MYO18B: variants seen among roughly 807,000 people sequenced by gnomAD.
MYO18B encodes unconventional myosin-XVIIIb.
In MYO18B, 204 loss-of-function variants were observed where a neutral mutation model predicts 273.0. The ratio of observed to expected loss-of-function variants is 0.75; its 90% confidence interval spans 0.67 to 0.84. The LOEUF (loss-of-function observed/expected upper bound fraction) is 0.84. MYO18B is among the 40% of genes least tolerant of loss of function. The probability of loss-of-function intolerance (pLI) is 0.00; values close to 1 mark genes in which losing one functional copy is unlikely to be tolerated. For synonymous variants in MYO18B, 1,330 were observed against 1,305.7 expected, an observed-to-expected ratio of 1.02 and a Z score of -0.40; for missense variants, 3,212 against 3,287.6, an observed-to-expected ratio of 0.98 and a Z score of 0.56.
chr22:26,018,310 C>T lies in MYO18B; in HGVS notation c.6471-8135C>T, dbSNP rs182540798. Reference sequence around the variant, plus strand: ...ACTGTGTCTGTTTCCTGACTCTATTCCCCATGTCAGGAGTGGCCAGGCATG... The same window carrying T: ...ACTGTGTCTGTTTCCTGACTCTATTTCCCATGTCAGGAGTGGCCAGGCATG... On this transcript the variant is annotated intron_variant, in intron 42 of 43. Transcript: ENST00000335473. 2.4e-3 allele frequency among the ~76,000 whole-genome samples: 361 copies of T among 152,206 alleles called. 2 individuals are homozygous for T. The highest frequency in any genetic ancestry group is 0.01 in the Middle Eastern group (3 of 294).
At chr22:26,058,636 A>G in the MYO18B span, among the ~76,000 whole-genome samples, 1 of 152,128 alleles carries the variant, frequency 6.6e-6, no homozygotes, top group East Asian at 1.9e-4. Flanking sequence ...CCTCATGGTA[A>G]TGACTGAGTT....
chr22:26,051,311 C>A, the MYO18B span, among the ~76,000 whole-genome samples: 1 of 150,410 alleles, frequency 6.6e-6, no homozygotes, highest in Admixed American at 6.7e-5. Context: ...GCAAGCTCCA[C>A]CTCCCGGGTT....
At chr22:25,881,753 A>G (rs695540) in intron 25 of MYO18B, among the ~76,000 whole-genome samples, 125,349 of 152,220 alleles carry the variant, frequency 0.82, 52,016 homozygotes, top group East Asian at 1. Flanking sequence ...AGAATATTCT[A>G]CTCAGCCTCT....
intron 39 of MYO18B, among the ~76,000 whole-genome samples, chr22:25,960,780 C>T (rs2092909584): frequency 6.6e-6 from 1 of 152,194 alleles, no homozygotes; most frequent in African/African-American, 2.4e-5. Context: ...CCCCACTTTC[C>T]CTTCAGTCTT....
In MYO18B at chr22:25,764,711, T is replaced by C. The variant is rs894827898; in HGVS notation, c.198+1322T>C. ...TCCCACTCTTGCCTGACCTAAGGCA[T>C]AAGTGGGGGCCAAAGTTGACCCCGG... On this transcript the variant is annotated intron_variant, in intron 3 of 43. Transcript: ENST00000335473. Among the ~76,000 whole-genome samples the C allele has an allele frequency of 3.9e-5, 6 of 152,308 alleles. No individual in the cohort carries two copies. The South Asian group carries it at 1.2e-3, about 32-fold the overall frequency.
chr22:25,976,786 G>A (rs1307750080), intron 39 of MYO18B, among the ~76,000 whole-genome samples: 2 of 152,086 alleles, frequency 1.3e-5, no homozygotes, highest in African/African-American at 4.8e-5. Context: ...GACTATTGAT[G>A]AGGCTTGATT....
intron 21 of MYO18B, among the ~76,000 whole-genome samples, chr22:25,857,315 C>A (rs946675990): frequency 1.3e-5 from 2 of 152,178 alleles, no homozygotes; most frequent in African/African-American, 4.8e-5. Context: ...CCCTCCTCCC[C>A]GCAAAGTGTC....
At chr22:25,794,960 C>A (rs1431660645) in intron 11 of MYO18B, among the ~76,000 whole-genome samples, 4 of 152,236 alleles carry the variant, frequency 2.6e-5, no homozygotes, top group African/African-American at 4.8e-5. Context: ...CTTCTCTTAC[C>A]ATGTTAGTTT....
At chr22:25,744,559 G>A (rs891519248) in intron 1 of MYO18B, among the ~76,000 whole-genome samples, 4 of 152,030 alleles carry the variant, frequency 2.6e-5, no homozygotes, top group African/African-American at 4.8e-5. Flanking sequence ...GTGAAACCCC[G>A]TCTCTACTAA....
chr22:25,920,448 G>A (rs1362847859), intron 33 of MYO18B, among the ~76,000 whole-genome samples: 5 of 152,140 alleles, frequency 3.3e-5, no homozygotes, highest in Admixed American at 6.5e-5. Context: ...TTTGGCCACT[G>A]AAGGCTGTCA....
chr22:25,970,102 GCAT>G lies in MYO18B; in HGVS notation c.6156+14747_6156+14749del, dbSNP rs977814754. On this transcript the variant is annotated intron_variant, in intron 39 of 43. Coordinates refer to ENST00000335473, the MANE Select transcript of MYO18B (RefSeq NM_032608.7). Reference sequence around the variant, plus strand: ...ATCACTGTCATCATCACCACCATTTGCATCATCATCACCATCACCATCAATCAT... The same window carrying G: ...ATCACTGTCATCATCACCACCATTTGCATCATCACCATCACCATCAATCAT... Among the ~76,000 whole-genome samples, 5 of 151,640 alleles carry G rather than the reference GCAT, an allele frequency of 3.3e-5. No homozygotes were observed. The East Asian group carries it at 5.8e-4, about 18-fold the overall frequency.
intron 17 of MYO18B, 69 bp from the exon 18 acceptor site, chr22:25,843,666 A>G (rs1328433150): frequency 1.2e-5 from 18 of 1,520,728 alleles, no homozygotes; most frequent in Non-Finnish European, 1.6e-5. Context: ...TGTGCGTTTA[A>G]GGGATGCCAG....
chr22:26,040,918 T>G, the MYO18B span, among the ~76,000 whole-genome samples: 1 of 152,096 alleles, frequency 6.6e-6, no homozygotes, highest in Admixed American at 6.6e-5. Context: ...TGGGAGCCAT[T>G]TAGGGTGACC....
intron 39 of MYO18B, among the ~76,000 whole-genome samples, chr22:25,990,007 TTCAA>T (rs1314419768): frequency 1.3e-5 from 2 of 152,150 alleles, no homozygotes; most frequent in Non-Finnish European, 2.9e-5. Flanking sequence ...AGTTGGTGGC[TTCAA>T]TCAACTGGGA....
At position 26,027,497 on chromosome 22, in the gene MYO18B, C is replaced by T. The variant is rs751177880; in HGVS notation, c.7523C>T (p.Ser2508Leu). 5.6e-6 allele frequency: 9 copies of T among 1,613,992 alleles called. No homozygotes were observed. The East Asian group carries it at 1.3e-4, about 24-fold the overall frequency. ...PKEDPAHLSD[S>L]SSSSGSIVSF... ...GAGGATCCCGCTCACCTGTCTGACT[C>T]GTCCTCATCCTCCGGCTCCATCGTG... Residue 2508 changes from serine (S) to leucine (L), a missense_variant, in exon 43 of 44, where the codon TCG becomes TTG. Ser to Leu is a moderately radical substitution (Grantham distance 145, BLOSUM62 -2). Coordinates refer to ENST00000335473, the MANE Select transcript of MYO18B (RefSeq NM_032608.7). This position sits in a 1 kb window ranked among gnomAD's most constrained non-coding sequence, Gnocchi z 4.1.
At chr22:25,752,375 G>C (rs1005920454) in intron 1 of MYO18B, among the ~76,000 whole-genome samples, 7 of 151,064 alleles carry the variant, frequency 4.6e-5, no homozygotes, top group African/African-American at 1.7e-4. Context: ...TTTTAGTAGA[G>C]ACGGGGTTTC....
At chr22:25,863,353 C>T (rs1005076740) in intron 21 of MYO18B, among the ~76,000 whole-genome samples, 4 of 152,202 alleles carry the variant, frequency 2.6e-5, no homozygotes, top group Non-Finnish European at 5.9e-5. Context: ...TGTTTCCCCT[C>T]ACCCTTAGTT....
intron 39 of MYO18B, among the ~76,000 whole-genome samples, chr22:25,980,929 A>C (rs2093142524): frequency 6.6e-6 from 1 of 152,142 alleles, no homozygotes; most frequent in African/African-American, 2.4e-5. Flanking sequence ...GAAAGAAACT[A>C]TTCCATGCCT....
chr22:25,968,495 GT>G (rs755194666), intron 39 of MYO18B, among the ~76,000 whole-genome samples: 1 of 152,074 alleles, frequency 6.6e-6, no homozygotes, highest in Non-Finnish European at 1.5e-5. Context: ...CCCCTTCTAG[GT>G]TTTATCTTCT....
Sources: allele counts gnomAD v4.1 joint callset (sites outside exome capture counted in the v4.1 genomes callset), GRCh38; gene constraint gnomAD v4.1.1; non-coding constraint Gnocchi (gnomAD v3.1); transcripts MANE v1.5; gene names NCBI Gene and HGNC (gene_info 2026-07-23, HGNC 2026-07-21).